COLGALT2: variants seen among roughly 807,000 people sequenced by gnomAD.
COLGALT2 encodes the protein collagen beta(1-O)galactosyltransferase 2.
In COLGALT2, 49 loss-of-function variants were observed where a neutral mutation model predicts 73.4. The observed-to-expected ratio is 0.67, with a 90% confidence interval of 0.53 to 0.85. The LOEUF is 0.85. COLGALT2 is among the 40% of genes least tolerant of loss of function. The pLI, the probability that COLGALT2 is intolerant of heterozygous loss-of-function variation, is 0.00. For missense variants in COLGALT2, 722 were observed against 790.2 expected (o/e 0.91, Z 1.03); for synonymous variants, 295 against 307.6 (o/e 0.96, Z 0.43).
intron 4 of COLGALT2, among the ~76,000 whole-genome samples, chr1:183,972,094 A>C (rs1671051948): frequency 6.6e-6 from 1 of 152,258 alleles, no homozygotes; most frequent in Non-Finnish European, 1.5e-5. Flanking sequence ...CCCTTTGGCC[A>C]TGAGAATACA....
At chr1:183,998,317 C>G (rs1023805761) in intron 1 of COLGALT2, among the ~76,000 whole-genome samples, 1 of 152,070 alleles carries the variant, frequency 6.6e-6, no homozygotes, top group African/African-American at 2.4e-5. Context: ...TTTTGTGAAA[C>G]CTGTTTGTAT....
Position 184,037,433 on chromosome 1 carries a change from G to T in COLGALT2, c.-76C>A. On this transcript the variant is annotated 5_prime_UTR_variant, in exon 1 of 12. Coordinates refer to ENST00000361927, the MANE Select transcript of COLGALT2 (RefSeq NM_015101.4). ...GGGCTGCCTGAGGGCGGCGGCGGCT[G>T]CCGGGGAGCAAGGGGCTGCGAGGGG... 4 of 1,265,906 alleles carry T rather than the reference G, an allele frequency of 3.2e-6. No homozygotes were observed. Among genetic ancestry groups the T allele is most frequent in the Non-Finnish European group, 2.0e-6 (2 of 1,009,370 alleles). 78.4% of individuals were successfully genotyped at this position (1,265,906 alleles called of 1,614,324 possible). A position where few individuals can be genotyped will look rare whatever the true frequency, so the allele number is the denominator to read the frequency against.
At chr1:183,969,614 A>G in intron 4 of COLGALT2, 141 bp from the exon 5 acceptor site, 2 of 589,218 alleles carry the variant, frequency 3.4e-6, no homozygotes, top group Non-Finnish European at 5.7e-6. Context: ...TCCTCTTATC[A>G]TGGCCTATGA....
Position 183,964,150 on chromosome 1 carries a change from G to T in COLGALT2, c.833-130C>A, listed in dbSNP as rs1284666775. 5.8e-6 allele frequency: 6 copies of T among 1,028,192 alleles called. No individual in the cohort carries two copies. In the African/African-American group the frequency reaches 8.1e-5, roughly 14 times the overall value. 63.7% of individuals were successfully genotyped at this position (1,028,192 alleles called of 1,614,324 possible). A position where few individuals can be genotyped will look rare whatever the true frequency, so the allele number is the denominator to read the frequency against. ...GCAATTAAATAAGTGGTTGTTTCAG[G>T]TATGTCTATAGACCTAAAAAATGCT... On this transcript the variant is annotated intron_variant, in intron 5 of 11. Transcript: ENST00000361927.
intron 6 of COLGALT2, among the ~76,000 whole-genome samples, chr1:183,959,536 G>A (rs988236151): frequency 6.6e-6 from 1 of 152,046 alleles, no homozygotes; most frequent in Non-Finnish European, 1.5e-5. Context: ...TGTAAGTCCT[G>A]TTGCTCCACC....
chr1:184,022,790 A>G (rs1649215997), intron 1 of COLGALT2, among the ~76,000 whole-genome samples: 1 of 152,252 alleles, frequency 6.6e-6, no homozygotes, highest in Non-Finnish European at 1.5e-5. Flanking sequence ...TCAGTCCATT[A>G]AATCACATTG....
chr1:183,954,678 T>C, intron 7 of COLGALT2, 84 bp downstream of exon 7: 4 of 1,080,904 alleles, frequency 3.7e-6, no homozygotes, highest in South Asian at 2.8e-5. Flanking sequence ...GGCTCTCAGA[T>C]GCAAGCTCAG....
chr1:184,029,214 C>T (rs1210331192), intron 1 of COLGALT2, among the ~76,000 whole-genome samples: 1 of 152,218 alleles, frequency 6.6e-6, no homozygotes. Context: ...CCTGACTTTT[C>T]AATTATTACC....
intron 1 of COLGALT2, among the ~76,000 whole-genome samples, chr1:184,018,251 C>T (rs1649068722): frequency 7.0e-6 from 1 of 143,098 alleles, no homozygotes; most frequent in Admixed American, 7.2e-5. Flanking sequence ...GCCTGGGCAG[C>T]ACAGTGAGGC....
chr1:183,932,839 G>A (rs181999946), downstream of COLGALT2, among the ~76,000 whole-genome samples: 181 of 152,228 alleles, frequency 1.2e-3, no homozygotes, highest in Non-Finnish European at 2.2e-3. Context: ...CGATTCCCAT[G>A]AGTCCCCACC....
intron 7 of COLGALT2, among the ~76,000 whole-genome samples, chr1:183,953,218 C>T (rs1670447960): frequency 6.6e-6 from 1 of 152,188 alleles, no homozygotes; most frequent in Non-Finnish European, 1.5e-5. Context: ...AGCCCAGACA[C>T]CACCAGTGAG....
At chr1:183,965,824 T>C (rs1484941665) in intron 5 of COLGALT2, among the ~76,000 whole-genome samples, 2 of 152,218 alleles carry the variant, frequency 1.3e-5, no homozygotes, top group African/African-American at 4.8e-5. Context: ...AGCCTATGAA[T>C]GACCAAGCTT....
intron 1 of COLGALT2, among the ~76,000 whole-genome samples, chr1:184,008,747 C>A (rs1459060713): frequency 2.6e-5 from 4 of 152,108 alleles, no homozygotes; most frequent in Non-Finnish European, 5.9e-5. Flanking sequence ...TACATTGCAT[C>A]AGTTTAAACT....
chr1:183,961,334 C>T (rs2148673), intron 6 of COLGALT2, among the ~76,000 whole-genome samples: 24,815 of 151,948 alleles, frequency 0.16, 2,261 homozygotes, highest in East Asian at 0.4. Flanking sequence ...ATTGATGACA[C>T]GTGCATTTCT....
At chr1:183,930,227 GT>G (rs1418746856) in exon 12 of COLGALT2, 3 of 456,114 alleles carry the variant, frequency 6.6e-6, no homozygotes, top group Non-Finnish European at 1.3e-5. Flanking sequence ...GCACGGGTTT[GT>G]TCACCGTTGG....
At chr1:184,027,090 C>T (rs1649355093) in intron 1 of COLGALT2, among the ~76,000 whole-genome samples, 1 of 152,092 alleles carries the variant, frequency 6.6e-6, no homozygotes, top group Non-Finnish European at 1.5e-5. Context: ...AACATATGTG[C>T]TTGACTTAAT....
intron 1 of COLGALT2, among the ~76,000 whole-genome samples, chr1:183,982,137 C>T (rs550428140): frequency 1.9e-4 from 29 of 152,186 alleles, no homozygotes; most frequent in African/African-American, 5.5e-4. Flanking sequence ...GGAGGGAGAA[C>T]GACCCACAGG....
chr1:183,971,183 A>G (rs576146911), intron 4 of COLGALT2, among the ~76,000 whole-genome samples: 2 of 152,206 alleles, frequency 1.3e-5, no homozygotes, highest in South Asian at 4.1e-4. Flanking sequence ...TTCATTGGCC[A>G]GACAACATCA....
At chr1:184,013,227 A>G (rs1362925129) in intron 1 of COLGALT2, among the ~76,000 whole-genome samples, 1 of 152,174 alleles carries the variant, frequency 6.6e-6, no homozygotes, top group African/African-American at 2.4e-5. Context: ...ACGCAGGAGA[A>G]TTACTTGAAC....
Sources: allele counts gnomAD v4.1 joint callset (sites outside exome capture counted in the v4.1 genomes callset), GRCh38; gene constraint gnomAD v4.1.1; transcripts MANE v1.5; gene names NCBI Gene and HGNC (gene_info 2026-07-23, HGNC 2026-07-21).